Variants in PRDM2 observed in about 807,000 individuals in gnomAD.
PRDM2 encodes PR/SET domain 2.
Under a neutral mutation model 130.0 loss-of-function variants are expected in PRDM2, and 30 were observed. The ratio of observed to expected loss-of-function variants is 0.23; its 90% CI spans 0.17 to 0.31. The LOEUF is 0.31. Among genes scored for constraint, PRDM2 ranks in the 10% least tolerant of loss-of-function variants. PRDM2 has a pLI of 1.00. For missense variants in PRDM2, 2,011 were observed against 2,108.4 expected, an observed-to-expected ratio of 0.95 and a Z score of 0.90; for synonymous variants, 871 against 782.4, an observed-to-expected ratio of 1.11 and a Z score of -1.89.
In PRDM2 at chr1:13,814,550, G is replaced by GT. The variant is rs758594584; in HGVS notation, c.5037-1875dup. Among the ~76,000 whole-genome samples the GT allele has an allele frequency of 3.3e-5, 5 of 152,348 alleles. No individual in the cohort carries two copies. The South Asian group carries it at 1.0e-3, about 32-fold the overall frequency. ...TTGACACTGTCAGCATTTGGGGCTG[G>GT]TTAAACCTTTGTTGCGGGGGCCTGT... On this transcript the variant is annotated intron_variant, in intron 8 of 9. Transcript: ENST00000311066.
chr1:13,779,463 G>A lies in PRDM2; in HGVS notation c.1668G>A (p.Met556Ile). The change falls in exon 8 of 10, where the codon ATG becomes ATA. Residue 556 changes from methionine to isoleucine, a missense_variant. Met to Ile is a conservative substitution (Grantham distance 10, BLOSUM62 1). Transcript: ENST00000311066. The surrounding 1 kb of genome is among the most constrained non-coding windows in gnomAD (Gnocchi z 4.9). Reference sequence around the variant, plus strand: ...GGGAAGCAGATGATGTGTACATCATGGACATTTCTAGCAATATCTCTGAAA... The same window carrying A: ...GGGAAGCAGATGATGTGTACATCATAGACATTTCTAGCAATATCTCTGAAA... ...EEGEADDVYI[M>I]DISSNISENL... 1 of 1,614,000 alleles carries A rather than the reference G, an allele frequency of 6.2e-7. No homozygotes were observed. The highest frequency in any genetic ancestry group is 8.5e-7 in the Non-Finnish European group (1 of 1,179,928).
chr1:13,731,989 C>T (rs1259967112), intron 3 of PRDM2, among the ~76,000 whole-genome samples: 3 of 152,134 alleles, frequency 2.0e-5, no homozygotes, highest in Admixed American at 1.3e-4. Context: ...TTTGTACATC[C>T]TAGCAGGATA....
chr1:13,775,169 T>C (rs112386346), intron 7 of PRDM2, among the ~76,000 whole-genome samples: 16 of 152,204 alleles, frequency 1.1e-4, no homozygotes, highest in Non-Finnish European at 2.1e-4. Flanking sequence ...CCACATAAAG[T>C]GCGTGGATCC....
rs79077690 is a variant in PRDM2, at chr1:13,726,073, C to T, written c.10-4927C>T. Among the ~76,000 whole-genome samples the T allele has an allele frequency of 4.1e-3, 625 of 152,310 alleles. 3 individuals carry two copies. Among genetic ancestry groups the T allele is most frequent in the African/African-American group, 0.014 (583 of 41,556 alleles). ...GGGCAAAGTTTAGTTTCATCTGTAA[C>T]GTGGAGATCATAGAAGTGCCTATAG... On this transcript the variant is annotated intron_variant, in intron 2 of 9. Transcript: ENST00000311066.
At chr1:13,820,793 CT>C (rs2100775702) in intron 9 of PRDM2, among the ~76,000 whole-genome samples, 1 of 151,942 alleles carries the variant, frequency 6.6e-6, no homozygotes, top group Admixed American at 6.6e-5. Flanking sequence ...CGGTGGGGGA[CT>C]GGCAAGATGG....
chr1:13,720,472 GA>G (rs1490461700), intron 2 of PRDM2, among the ~76,000 whole-genome samples: 2 of 152,186 alleles, frequency 1.3e-5, no homozygotes, highest in African/African-American at 4.8e-5. Context: ...TCGCCAGAAG[GA>G]CAGAGTAGAC....
chr1:13,757,318 T>C (rs1643980252), intron 6 of PRDM2, among the ~76,000 whole-genome samples: 1 of 152,278 alleles, frequency 6.6e-6, no homozygotes, highest in Non-Finnish European at 1.5e-5. Context: ...GGTTTAAGTT[T>C]CTAATGAATA....
rs1204716389 is a variant in PRDM2 at position 13,781,438 on chromosome 1, C to G, written c.3643C>G (p.Pro1215Ala). ...NLQQHQRDLH[P>A]DKVCTHHEFE... is the part of the protein sequence containing the mutation. Reference sequence around the variant, plus strand: ...GCAGCAGCACCAGCGAGATCTCCACCCAGATAAGGTGTGCACACATCACGA... The same window carrying G: ...GCAGCAGCACCAGCGAGATCTCCACGCAGATAAGGTGTGCACACATCACGA... Residue 1215 changes from proline (P) to alanine (A), a missense_variant, in exon 8 of 10, where the codon CCA becomes GCA. Physicochemically the swap from Pro to Ala is conservative, Grantham distance 27 (BLOSUM62 -1). Coordinates refer to ENST00000311066, the MANE Select transcript of PRDM2 (RefSeq NM_001393986.1). The surrounding 1 kb of genome is among the most constrained non-coding windows in gnomAD (Gnocchi z 6.1). The G allele has an allele frequency of 3.1e-6, 5 of 1,614,020 alleles. No individual in the cohort carries two copies. Among genetic ancestry groups the G allele is most frequent in the Non-Finnish European group, 4.2e-6 (5 of 1,180,028 alleles).
At chr1:13,722,723 T>C (rs1642771044) in intron 2 of PRDM2, 1 of 412,162 alleles carries the variant, frequency 2.4e-6, no homozygotes, top group South Asian at 1.8e-5. Flanking sequence ...TAGAATCTTC[T>C]GGACAAGAGG....
intron 8 of PRDM2, 47 bp from the exon 9 acceptor site, chr1:13,816,380 C>G: frequency 6.2e-7 from 1 of 1,607,886 alleles, no homozygotes; most frequent in Admixed American, 1.7e-5. Context: ...TCTAGGGCAC[C>G]GGGCTGGGCT....
rs1644553927 is a variant in PRDM2 at position 13,779,349 on chromosome 1, A to G, written c.1554A>G (p.Lys518=). The change falls in exon 8 of 10, where the codon AAA becomes AAG. Residue 518 remains lysine, a synonymous_variant. Coordinates refer to ENST00000311066, the MANE Select transcript of PRDM2 (RefSeq NM_001393986.1). This position sits in a 1 kb window ranked among gnomAD's most constrained non-coding sequence, Gnocchi z 4.9. ...RHLIPKGVRR[K]GGLEEPQPPA... Reference sequence around the variant, plus strand: ...TGATTCCCAAAGGTGTACGGCGAAAAGGAGGCCTTGAAGAGCCCCAGCCTC... The same window carrying G: ...TGATTCCCAAAGGTGTACGGCGAAAGGGAGGCCTTGAAGAGCCCCAGCCTC... 5.6e-6 allele frequency: 9 copies of G among 1,614,066 alleles called. No individual in the cohort carries two copies. Among genetic ancestry groups the G allele is most frequent in the Non-Finnish European group, 7.6e-6 (9 of 1,180,026 alleles).
At chr1:13,736,848 T>A (rs1248967251) in intron 4 of PRDM2, among the ~76,000 whole-genome samples, 1 of 152,220 alleles carries the variant, frequency 6.6e-6, no homozygotes. Flanking sequence ...AATATTTACA[T>A]TTTATTCATT....
chr1:13,719,250 C>T (rs1346494985), intron 2 of PRDM2, among the ~76,000 whole-genome samples: 2 of 152,272 alleles, frequency 1.3e-5, no homozygotes, highest in East Asian at 3.9e-4. Flanking sequence ...CAGATAGACA[C>T]ATGAAGATCT....
intron 6 of PRDM2, among the ~76,000 whole-genome samples, chr1:13,762,157 C>T (rs1644113819): frequency 6.6e-6 from 1 of 152,208 alleles, no homozygotes. Flanking sequence ...TTGTGCATTA[C>T]CTCATTTACT....
intron 8 of PRDM2, among the ~76,000 whole-genome samples, chr1:13,791,944 G>A (rs1258605122): frequency 6.6e-6 from 1 of 152,134 alleles, no homozygotes; most frequent in Non-Finnish European, 1.5e-5. Flanking sequence ...CGGAAGACTG[G>A]TGCCTAAATG....
At chr1:13,810,008 C>T (rs917091346) in intron 8 of PRDM2, among the ~76,000 whole-genome samples, 7 of 152,202 alleles carry the variant, frequency 4.6e-5, no homozygotes, top group African/African-American at 1.7e-4. Context: ...TCTTACAAGG[C>T]ACAAGCACTA....
intron 8 of PRDM2, among the ~76,000 whole-genome samples, chr1:13,793,689 A>G (rs1644878099): frequency 6.6e-6 from 1 of 152,178 alleles, no homozygotes; most frequent in Non-Finnish European, 1.5e-5. Flanking sequence ...GTAAGTGCGG[A>G]GCAATTGAGT....
In PRDM2 at chr1:13,700,213, G is replaced by GCGGCGCGGCCGCGGGCGCCGGGGC. The variant is rs1381672947; in HGVS notation, c.-147_-124dup. The GCGGCGCGGCCGCGGGCGCCGGGGC allele has an allele frequency of 5.9e-5, 9 of 152,960 alleles. No homozygotes were observed. Among genetic ancestry groups the GCGGCGCGGCCGCGGGCGCCGGGGC allele is most frequent in the Admixed American group, 4.6e-4 (7 of 15,216 alleles). The allele number at this position is 152,960 out of a possible 1,614,324, so 9.5% of individuals were successfully genotyped here. Reference sequence around the variant, plus strand: ...ACTTCCGACTGGAGTCAAGATGGCGGCGGCGCGGCCGCGGGCGCCGGGGCC... The same window carrying GCGGCGCGGCCGCGGGCGCCGGGGC: ...ACTTCCGACTGGAGTCAAGATGGCGGCGGCGCGGCCGCGGGCGCCGGGGCCGGCGCGGCCGCGGGCGCCGGGGCC... On this transcript the variant is annotated 5_prime_UTR_variant, in exon 1 of 10. Coordinates refer to ENST00000311066, the MANE Select transcript of PRDM2 (RefSeq NM_001393986.1).
At chr1:13,760,785 T>C (rs1644078657) in intron 6 of PRDM2, among the ~76,000 whole-genome samples, 1 of 152,112 alleles carries the variant, frequency 6.6e-6, no homozygotes, top group Non-Finnish European at 1.5e-5. Flanking sequence ...GTTCATCCCA[T>C]TGTAATGGTG....
Sources: allele counts gnomAD v4.1 joint callset (sites outside exome capture counted in the v4.1 genomes callset), GRCh38; gene constraint gnomAD v4.1.1; non-coding constraint Gnocchi (gnomAD v3.1); transcripts MANE v1.5; gene names NCBI Gene and HGNC (gene_info 2026-07-23, HGNC 2026-07-21).